Variants in FHOD3 observed in about 807,000 individuals in gnomAD.
FHOD3 encodes FH1/FH2 domain-containing protein 3.
Under a neutral mutation model 173.0 loss-of-function variants are expected in FHOD3, and 90 were observed. That is an observed-to-expected ratio of 0.52 (90% CI 0.44 to 0.62). The LOEUF (loss-of-function observed/expected upper bound fraction) is 0.62, where lower values mean the gene tolerates loss of function less well. Among genes scored for constraint, FHOD3 ranks in the 20% least tolerant of loss-of-function variants. The probability of loss-of-function intolerance (pLI) is 0.00; values close to 1 mark genes in which losing one functional copy is unlikely to be tolerated. For synonymous variants in FHOD3, 828 were observed against 823.0 expected, an observed-to-expected ratio of 1.01 and a Z score of -0.10; for missense variants, 1,945 against 2,034.7, an observed-to-expected ratio of 0.96 and a Z score of 0.85.
In FHOD3 at chr18:36,526,285, T is replaced by TC. The variant is rs200205338; in HGVS notation, c.511+13742_511+13743insC. On this transcript the variant is annotated intron_variant, in intron 5 of 28. Transcript: ENST00000590592. ...TGAAAATCCTGAAATCATTCTTTTT[T>TC]TCCCCCCTCAATTTTGTTTGCATCA... 5.4e-3 allele frequency among the ~76,000 whole-genome samples: 829 copies of TC among 152,146 alleles called. 5 individuals carry two copies. Among genetic ancestry groups the TC allele is most frequent in the African/African-American group, 0.019 (799 of 41,504 alleles).
At position 36,746,941 on chromosome 18, in the gene FHOD3, T is replaced by G. The variant is rs2042181825; in HGVS notation, c.4042-4T>G. On this transcript the variant is annotated splice_region_variant and splice_polypyrimidine_tract_variant and intron_variant, in intron 23 of 28. Coordinates refer to ENST00000590592, the MANE Select transcript of FHOD3 (RefSeq NM_001281740.3). ...GTTTGCAGTGTTCTCGCTCTGATTT[T>G]CAGGTTGACTTTGATCAACTTCAGG... The G allele has an allele frequency of 6.2e-7, 1 of 1,600,602 alleles. No individual in the cohort carries two copies. Among genetic ancestry groups the G allele is most frequent in the African/African-American group, 1.3e-5 (1 of 74,490 alleles).
At chr18:36,703,950 A>G (rs1228721282) in intron 17 of FHOD3, among the ~76,000 whole-genome samples, 1 of 152,126 alleles carries the variant, frequency 6.6e-6, no homozygotes, top group African/African-American at 2.4e-5. Flanking sequence ...TCACTCCAGT[A>G]ATGTCTGTTT....
chr18:36,367,248 T>C (rs978704104), intron 2 of FHOD3, among the ~76,000 whole-genome samples: 2 of 152,194 alleles, frequency 1.3e-5, no homozygotes, highest in African/African-American at 2.4e-5. Context: ...TGTGCCTCCA[T>C]AGGGGTTTCC....
intron 8 of FHOD3, among the ~76,000 whole-genome samples, chr18:36,605,631 A>AT (rs1432226336): frequency 6.8e-6 from 1 of 147,622 alleles, no homozygotes; most frequent in Non-Finnish European, 1.5e-5. Context: ...CCAAGGTATA[A>AT]TTTTTCACAC....
chr18:36,326,496 G>T lies in FHOD3; in HGVS notation c.165+28496G>T, dbSNP rs904547984. 2.6e-5 allele frequency among the ~76,000 whole-genome samples: 4 copies of T among 152,232 alleles called. No homozygotes were observed. In the East Asian group the frequency reaches 7.7e-4, roughly 29 times the overall value. ...TATAAAGTACTTCAGGTCAGGCGCG[G>T]TTGCTCACGCCTTGTAATCCCAGCA... On this transcript the variant is annotated intron_variant, in intron 1 of 28. Transcript: ENST00000590592.
intron 9 of FHOD3, among the ~76,000 whole-genome samples, chr18:36,619,224 G>A (rs1206592077): frequency 1.3e-5 from 2 of 152,138 alleles, no homozygotes; most frequent in Non-Finnish European, 2.9e-5. Flanking sequence ...TTAGTCTAAG[G>A]CAAGCAGGTA....
chr18:36,550,021 T>C (rs1006763694), intron 5 of FHOD3, among the ~76,000 whole-genome samples: 1 of 151,900 alleles, frequency 6.6e-6, no homozygotes, highest in Admixed American at 6.6e-5. Context: ...TGTTGGCCTA[T>C]GTGTAAACAA....
In FHOD3 at chr18:36,473,908, C is replaced by A. The variant is rs577958489; in HGVS notation, c.338-28024C>A. On this transcript the variant is annotated intron_variant, in intron 3 of 28. Coordinates refer to ENST00000590592, the MANE Select transcript of FHOD3 (RefSeq NM_001281740.3). ...CCTGAACACACTTTTTGGGAAGCAT[C>A]CTTGGGTATTAGTAATATACTTGGA... 3.9e-4 allele frequency among the ~76,000 whole-genome samples: 60 copies of A among 152,290 alleles called. 1 individual carries two copies. The South Asian group carries it at 0.012, about 32-fold the overall frequency.
chr18:36,323,926 A>C (rs2044532311), intron 1 of FHOD3, among the ~76,000 whole-genome samples: 1 of 152,262 alleles, frequency 6.6e-6, no homozygotes, highest in Non-Finnish European at 1.5e-5. Context: ...ACAGCTAGCC[A>C]GAACTTGTAG....
rs752399381 is a variant in FHOD3, at chr18:36,717,994, C to T, written c.2696C>T (p.Ala899Val). The T allele has an allele frequency of 5.6e-6, 9 of 1,612,372 alleles. No homozygotes were observed. The East Asian group carries it at 2.0e-4, about 36-fold the overall frequency. ...GAGGCTGGGAGGACCCAGCAGGAGG[C>T]AGAGGCGGTAGCCAGCCTTGCTACC... ...DGEAGRTQQE[A>V]EAVASLATRI... The change falls in exon 19 of 29, where the codon GCA becomes GTA. Residue 899 changes from alanine to valine, a missense_variant. Physicochemically the swap from Ala to Val is moderately conservative, Grantham distance 64 (BLOSUM62 0). This residue lies in a region of FHOD3 where 1,099 missense variants were observed against 1,051.2 expected (regional missense o/e 1.05). Coordinates refer to ENST00000590592, the MANE Select transcript of FHOD3 (RefSeq NM_001281740.3).
intron 6 of FHOD3, among the ~76,000 whole-genome samples, chr18:36,584,194 T>A (rs772298693): frequency 6.6e-6 from 1 of 152,178 alleles, no homozygotes. Flanking sequence ...CAGATGATAG[T>A]CCATTGCTGG....
chr18:36,327,043 T>C (rs1282414314), intron 1 of FHOD3, among the ~76,000 whole-genome samples: 1 of 152,220 alleles, frequency 6.6e-6, no homozygotes, highest in Non-Finnish European at 1.5e-5. Flanking sequence ...TTCAGTGATA[T>C]CTCTGTAAAG....
intron 14 of FHOD3, among the ~76,000 whole-genome samples, chr18:36,671,476 C>T (rs2037531944): frequency 6.6e-6 from 1 of 152,212 alleles, no homozygotes; most frequent in Admixed American, 6.5e-5. Context: ...CCTGTTACTC[C>T]AAATGGACTG....
chr18:36,469,665 G>A (rs963947787), intron 3 of FHOD3, among the ~76,000 whole-genome samples: 5 of 152,202 alleles, frequency 3.3e-5, no homozygotes, highest in Non-Finnish European at 7.3e-5. Context: ...TGGCAGGCAT[G>A]TCAGGCTCGG....
At chr18:36,653,953 G>A (rs2036238270) in intron 13 of FHOD3, among the ~76,000 whole-genome samples, 1 of 152,218 alleles carries the variant, frequency 6.6e-6, no homozygotes, top group African/African-American at 2.4e-5. Flanking sequence ...GAAAGGCTAA[G>A]TACCTTGACC....
At chr18:36,477,654 C>T (rs908121105) in intron 3 of FHOD3, among the ~76,000 whole-genome samples, 2 of 151,888 alleles carry the variant, frequency 1.3e-5, no homozygotes, top group Non-Finnish European at 2.9e-5. Context: ...TGGAAAAATA[C>T]ATGGAATAAT....
chr18:36,549,830 G>A (rs999225195), intron 5 of FHOD3, among the ~76,000 whole-genome samples: 15 of 151,326 alleles, frequency 9.9e-5, no homozygotes, highest in Middle Eastern at 3.2e-3. Flanking sequence ...TTACAGGCAT[G>A]AACCATCACG....
At position 36,704,546 on chromosome 18, in the gene FHOD3, G is replaced by T. The variant is rs538991272; in HGVS notation, c.2237-4549G>T. Among the ~76,000 whole-genome samples the T allele has an allele frequency of 2.8e-4, 42 of 152,300 alleles. No homozygotes were observed. The South Asian group carries it at 7.2e-3, about 26-fold the overall frequency. ...TTATGGACAAGCATGGTGAGCCGTG[G>T]CATCTCTTGACCTGCTGGGTTTGGG... On this transcript the variant is annotated intron_variant, in intron 17 of 28. Transcript: ENST00000590592.
chr18:36,652,566 A>G lies in FHOD3; in HGVS notation c.1287-4A>G. ...CTTCCTCCTCCTCCCTGCTGGCCCA[A>G]CAGCAAGGTCGGCGCTGCCTCAGGG... On this transcript the variant is annotated splice_polypyrimidine_tract_variant and splice_region_variant and intron_variant, in intron 11 of 28. Coordinates refer to ENST00000590592, the MANE Select transcript of FHOD3 (RefSeq NM_001281740.3). 1 of 1,521,486 alleles carries G rather than the reference A, an allele frequency of 6.6e-7. No individual in the cohort carries two copies. Among genetic ancestry groups the G allele is most frequent in the Non-Finnish European group, 8.8e-7 (1 of 1,136,968 alleles). 94.2% of individuals were successfully genotyped at this position (1,521,486 alleles called of 1,614,324 possible).
Sources: allele counts gnomAD v4.1 joint callset (sites outside exome capture counted in the v4.1 genomes callset), GRCh38; gene constraint gnomAD v4.1.1; regional missense constraint gnomAD v4.1.1; transcripts MANE v1.5; gene names NCBI Gene and HGNC (gene_info 2026-07-23, HGNC 2026-07-21).